The following PTPRG variants were observed in gnomAD, a reference collection of about 807,000 sequenced individuals.
The protein encoded by PTPRG is receptor-type tyrosine-protein phosphatase gamma.
PTPRG carries 102 observed loss-of-function variants against 165.3 expected under a neutral mutation model. That is an observed-to-expected ratio of 0.62 (90% CI 0.53 to 0.73). The LOEUF is 0.73. Among genes scored for constraint, PTPRG ranks in the 30% least tolerant of loss-of-function variants. The probability of loss-of-function intolerance (pLI) is 0.00; values close to 1 mark genes in which losing one functional copy is unlikely to be tolerated. For synonymous variants in PTPRG, 675 were observed against 669.5 expected (o/e 1.01, Z -0.13); for missense variants, 1,866 against 1,861.4 (o/e 1.00, Z -0.05).
intron 12 of PTPRG, among the ~76,000 whole-genome samples, chr3:62,206,877 G>A (rs1700243574): frequency 8.6e-6 from 1 of 115,822 alleles, no homozygotes; most frequent in African/African-American, 3.3e-5. Flanking sequence ...GCTGCAGTGA[G>A]AAGATCACAC....
chr3:61,910,614 G>A (rs1481639552), intron 2 of PTPRG, among the ~76,000 whole-genome samples: 2 of 152,162 alleles, frequency 1.3e-5, no homozygotes, highest in African/African-American at 4.8e-5. Context: ...AAGAAATTGA[G>A]AGTGAAGCCA....
intron 12 of PTPRG, 104 bp from the exon 13 acceptor site, chr3:62,218,747 C>T: frequency 1.4e-6 from 2 of 1,426,372 alleles, no homozygotes; most frequent in Admixed American, 4.2e-5. Context: ...GCAAATGGCC[C>T]AGTTCGCCAG....
At chr3:61,643,896 A>T (rs77974852) in intron 1 of PTPRG, among the ~76,000 whole-genome samples, 1 of 152,198 alleles carries the variant, frequency 6.6e-6, no homozygotes, top group Non-Finnish European at 1.5e-5. Flanking sequence ...ATGAACTAGG[A>T]TACCCTTTTC....
chr3:61,759,637 G>A (rs748960090), intron 2 of PTPRG, among the ~76,000 whole-genome samples: 38 of 152,130 alleles, frequency 2.5e-4, no homozygotes, highest in Non-Finnish European at 5.6e-4. Context: ...CTGCGTGGCA[G>A]AGTGAGACCC....
At chr3:62,127,003 C>T (rs946713740) in intron 5 of PTPRG, among the ~76,000 whole-genome samples, 1 of 152,054 alleles carries the variant, frequency 6.6e-6, no homozygotes, top group Non-Finnish European at 1.5e-5. Flanking sequence ...ATTGGCTATA[C>T]AAGAAGGAAG....
chr3:61,653,886 AAGCGGGG>A (rs1357815958), intron 1 of PTPRG, among the ~76,000 whole-genome samples: 1 of 19,474 alleles, frequency 5.1e-5, no homozygotes, highest in East Asian at 1.8e-3. Flanking sequence ...GCAGGTTGTT[AAGCGGGG>A]AGCGGTGGGG....
intron 2 of PTPRG, among the ~76,000 whole-genome samples, chr3:61,933,989 G>C (rs1368898393): frequency 2.0e-5 from 3 of 152,210 alleles, no homozygotes; most frequent in Non-Finnish European, 2.9e-5. Flanking sequence ...GCAGGCTCAT[G>C]CTTTCGCTCC....
chr3:61,862,892 A>G lies in PTPRG; in HGVS notation c.190+113910A>G, dbSNP rs116352750. On this transcript the variant is annotated intron_variant, in intron 2 of 29. Transcript: ENST00000474889. ...CGGAAGGTTCCAAGTCCCTCCTACT[A>G]TGTGACATTGGGCATGACATTTAAC... is the stretch of plus-strand genomic sequence containing the variant. Among the ~76,000 whole-genome samples, 1,138 of 152,220 alleles carry G rather than the reference A, an allele frequency of 7.5e-3. 11 individuals are homozygous for G. The highest frequency in any genetic ancestry group is 0.026 in the African/African-American group (1,096 of 41,540).
intron 2 of PTPRG, among the ~76,000 whole-genome samples, chr3:61,973,355 C>T (rs1283518374): frequency 1.3e-5 from 2 of 152,166 alleles, no homozygotes; most frequent in Non-Finnish European, 2.9e-5. Flanking sequence ...CAGCTAAGTT[C>T]ATCAATATGG....
chr3:61,606,826 C>T (rs565274567), intron 1 of PTPRG, among the ~76,000 whole-genome samples: 26 of 152,174 alleles, frequency 1.7e-4, no homozygotes, highest in Admixed American at 2.6e-4. Context: ...GCCTCATCAC[C>T]TCTTAAGGGC....
chr3:61,991,041 C>T (rs1395622003), intron 3 of PTPRG, among the ~76,000 whole-genome samples: 1 of 152,076 alleles, frequency 6.6e-6, no homozygotes, highest in Non-Finnish European at 1.5e-5. Context: ...AGAATTGCTT[C>T]CCACTCACTT....
At chr3:61,709,438 C>G (rs1227474877) in intron 1 of PTPRG, among the ~76,000 whole-genome samples, 2 of 152,138 alleles carry the variant, frequency 1.3e-5, no homozygotes, top group Non-Finnish European at 2.9e-5. Context: ...CCTCACCCTT[C>G]CGAATAGCTG....
chr3:62,212,135 T>C (rs1700373786), intron 12 of PTPRG, among the ~76,000 whole-genome samples: 1 of 152,100 alleles, frequency 6.6e-6, no homozygotes, highest in Non-Finnish European at 1.5e-5. Flanking sequence ...CGTTAGCATT[T>C]TGCTCCAAGT....
chr3:61,623,080 C>T (rs1701507027), intron 1 of PTPRG, among the ~76,000 whole-genome samples: 1 of 152,114 alleles, frequency 6.6e-6, no homozygotes, highest in Non-Finnish European at 1.5e-5. Context: ...ACAGGGTTTC[C>T]TTGATTGTAA....
At chr3:62,049,120 C>CA (rs200692890) in intron 4 of PTPRG, among the ~76,000 whole-genome samples, 6,605 of 136,440 alleles carry the variant, frequency 0.048, 174 homozygotes, top group South Asian at 0.12. Flanking sequence ...CAAAACAAAA[C>CA]AAAAAAAAAA....
intron 2 of PTPRG, among the ~76,000 whole-genome samples, chr3:61,963,551 G>A (rs1440455993): frequency 6.6e-6 from 1 of 152,152 alleles, no homozygotes; most frequent in African/African-American, 2.4e-5. Context: ...ACCAAGTTAA[G>A]TACTTACAAG....
At chr3:61,731,892 C>G (rs1026530361) in intron 1 of PTPRG, among the ~76,000 whole-genome samples, 4 of 149,938 alleles carry the variant, frequency 2.7e-5, no homozygotes, top group Admixed American at 1.3e-4. Context: ...ACCTTCACCT[C>G]CCAGGTTCAA....
At chr3:61,841,992 T>C (rs764236579) in intron 2 of PTPRG, among the ~76,000 whole-genome samples, 70 of 152,232 alleles carry the variant, frequency 4.6e-4, no homozygotes, top group Non-Finnish European at 9.4e-4. Flanking sequence ...GCACAGAGTT[T>C]GTTGTGACAC....
At chr3:61,879,505 AT>A (rs2037829692) in intron 2 of PTPRG, among the ~76,000 whole-genome samples, 1 of 151,942 alleles carries the variant, frequency 6.6e-6, no homozygotes, top group African/African-American at 2.4e-5. Flanking sequence ...TCTTAATCTC[AT>A]TTTTAGGTTA....
Sources: gnomAD v4.1 joint callset for allele counts (sites outside exome capture counted in the v4.1 genomes callset) on GRCh38, gnomAD v4.1.1 for gene constraint, MANE v1.5 for transcripts, NCBI Gene and HGNC (gene_info 2026-07-23, HGNC 2026-07-21) for gene names.